Variants in ELMO1 observed in about 807,000 individuals in gnomAD.
ELMO1 encodes engulfment and cell motility 1, also known as engulfment and cell motility protein 1.
Under a neutral mutation model 98.9 loss-of-function variants are expected in ELMO1, and 26 were observed. That is an observed-to-expected ratio of 0.26 (90% CI 0.19 to 0.36). The LOEUF (loss-of-function observed/expected upper bound fraction) is 0.36. ELMO1 is among the 10% of genes least tolerant of loss of function. The pLI, the probability that ELMO1 is intolerant of heterozygous loss-of-function variation, is 1.00. For missense variants in ELMO1, 627 were observed against 935.2 expected (o/e 0.67, Z 4.30); for synonymous variants, 346 against 346.0 (o/e 1.00, Z 0.00).
chr7:37,061,153 G>A (rs1796648636), intron 15 of ELMO1, among the ~76,000 whole-genome samples: 1 of 152,132 alleles, frequency 6.6e-6, no homozygotes, highest in Non-Finnish European at 1.5e-5. Flanking sequence ...GGGGATGGGG[G>A]GCGTCATTTT....
chr7:36,948,689 A>C (rs1299950477), intron 16 of ELMO1, among the ~76,000 whole-genome samples: 1 of 152,200 alleles, frequency 6.6e-6, no homozygotes, highest in African/African-American at 2.4e-5. Context: ...CCTATGAAGA[A>C]GGAAACTGAG....
intron 15 of ELMO1, among the ~76,000 whole-genome samples, chr7:37,051,785 T>C (rs534897168): frequency 7.2e-5 from 11 of 152,348 alleles, no homozygotes; most frequent in Non-Finnish European, 1.5e-4. Context: ...CAGGTTTTTA[T>C]AAAAGCTAAT....
intron 15 of ELMO1, among the ~76,000 whole-genome samples, chr7:37,070,261 G>A (rs1797199237): frequency 1.3e-5 from 2 of 152,192 alleles, no homozygotes; most frequent in South Asian, 4.1e-4. Flanking sequence ...TGCTGCTTAA[G>A]TCTCTTCATT....
intron 13 of ELMO1, among the ~76,000 whole-genome samples, chr7:37,154,081 G>C (rs767023410): frequency 4.6e-5 from 7 of 152,212 alleles, no homozygotes; most frequent in Non-Finnish European, 8.8e-5. Context: ...CTGTCTGTTA[G>C]AAGGAAAACT....
chr7:37,357,716 T>A (rs1387336048), intron 1 of ELMO1, among the ~76,000 whole-genome samples: 1 of 152,252 alleles, frequency 6.6e-6, no homozygotes, highest in East Asian at 1.9e-4. Context: ...TGATAAAATC[T>A]CTTCCTTCTA....
At chr7:37,133,005 T>A (rs1048778892) in intron 14 of ELMO1, 125 bp downstream of exon 14, 3 of 576,102 alleles carry the variant, frequency 5.2e-6, no homozygotes, top group East Asian at 6.7e-5. Context: ...TTTTTTTTTT[T>A]AGTTTACTAA....
At chr7:37,195,981 G>A (rs1791942466) in intron 13 of ELMO1, among the ~76,000 whole-genome samples, 3 of 152,192 alleles carry the variant, frequency 2.0e-5, no homozygotes, top group Non-Finnish European at 4.4e-5. Flanking sequence ...AACAATAGAA[G>A]GCAAAAAGTG....
rs537388417 is a variant in ELMO1 at position 37,092,366 on chromosome 7, C to CTTT, written c.1300+4250_1300+4252dup. Among the ~76,000 whole-genome samples, 370 of 68,904 alleles carry CTTT rather than the reference C, an allele frequency of 5.4e-3. 49 individuals are homozygous for CTTT. Among genetic ancestry groups the CTTT allele is most frequent in the Non-Finnish European group, 8.5e-3 (273 of 32,034 alleles). The allele number at this position is 68,904 out of a possible 152,430, so 45.2% of individuals were successfully genotyped here. A position where few individuals can be genotyped will look rare whatever the true frequency, so the allele number is the denominator to read the frequency against. On this transcript the variant is annotated intron_variant, in intron 15 of 21. Transcript: ENST00000310758. ...ACTTGCAAAAAAAATTACCCATATT[C>CTTT]TTTTTTTTTTTTTTTTTTTTTTTTT...
intron 15 of ELMO1, among the ~76,000 whole-genome samples, chr7:37,059,686 T>C (rs1796568770): frequency 1.3e-5 from 2 of 152,206 alleles, no homozygotes; most frequent in African/African-American, 4.8e-5. Context: ...ACAGTACAGC[T>C]GAATTCTAGG....
chr7:36,874,383 A>AGT (rs1803774977), intron 19 of ELMO1, among the ~76,000 whole-genome samples: 1 of 152,188 alleles, frequency 6.6e-6, no homozygotes, highest in Non-Finnish European at 1.5e-5. Flanking sequence ...TCTGTATCTC[A>AGT]GTTTCCTTTC....
At chr7:36,869,923 C>A (rs1288661632) in intron 20 of ELMO1, among the ~76,000 whole-genome samples, 1 of 152,212 alleles carries the variant, frequency 6.6e-6, no homozygotes, top group Non-Finnish European at 1.5e-5. Context: ...TTCTAAGATT[C>A]TTTGAGTCAG....
intron 15 of ELMO1, among the ~76,000 whole-genome samples, chr7:37,090,001 G>C (rs186044644): frequency 2.0e-5 from 3 of 152,274 alleles, no homozygotes; most frequent in African/African-American, 7.2e-5. Context: ...ACGAGAGAAA[G>C]TGTGCTGAAA....
At chr7:37,413,423 A>G (rs550564821) in intron 1 of ELMO1, among the ~76,000 whole-genome samples, 2 of 152,350 alleles carry the variant, frequency 1.3e-5, no homozygotes, top group Admixed American at 6.5e-5. Flanking sequence ...TCCACAGAAA[A>G]TACCTTACAC....
chr7:37,369,772 T>C (rs564296938), intron 1 of ELMO1, among the ~76,000 whole-genome samples: 2 of 151,654 alleles, frequency 1.3e-5, no homozygotes, highest in East Asian at 3.9e-4. Context: ...AAAAAAATTT[T>C]AATAAAAAAA....
chr7:37,397,319 A>G (rs1372636785), intron 1 of ELMO1, among the ~76,000 whole-genome samples: 1 of 152,246 alleles, frequency 6.6e-6, no homozygotes, highest in Non-Finnish European at 1.5e-5. Flanking sequence ...TGCTCAAAAG[A>G]GAAATATTTA....
intron 1 of ELMO1, among the ~76,000 whole-genome samples, chr7:37,439,054 A>G (rs1583766499): frequency 6.6e-6 from 1 of 152,238 alleles, no homozygotes; most frequent in African/African-American, 2.4e-5. Context: ...GCATTGGCAC[A>G]GCAAGCACAC....
intron 15 of ELMO1, among the ~76,000 whole-genome samples, chr7:37,022,471 G>A (rs934026373): frequency 2.0e-5 from 3 of 152,164 alleles, no homozygotes; most frequent in Admixed American, 6.5e-5. Flanking sequence ...ATGAACACAT[G>A]AAAAGGAGCT....
At chr7:37,204,461 T>C (rs573342520) in intron 13 of ELMO1, among the ~76,000 whole-genome samples, 30 of 152,264 alleles carry the variant, frequency 2.0e-4, no homozygotes, top group African/African-American at 7.0e-4. Context: ...GGAATGAAGC[T>C]GCAGACCTTC....
At chr7:37,055,640 C>T (rs952156129) in intron 15 of ELMO1, among the ~76,000 whole-genome samples, 5 of 152,134 alleles carry the variant, frequency 3.3e-5, no homozygotes, top group African/African-American at 9.7e-5. Context: ...ATCTCTCATT[C>T]GTTTTATTTT....
Sources: gnomAD v4.1 joint callset for allele counts (sites outside exome capture counted in the v4.1 genomes callset) on GRCh38, gnomAD v4.1.1 for gene constraint, MANE v1.5 for transcripts, NCBI Gene and HGNC (gene_info 2026-07-23, HGNC 2026-07-21) for gene names.